The following SHANK2 variants were observed in gnomAD, a reference collection of about 807,000 sequenced individuals.
SHANK2 encodes the protein SH3 and multiple ankyrin repeat domains protein 2.
A neutral mutation model predicts 133.7 loss-of-function variants in SHANK2; 43 were observed. That is an observed-to-expected ratio of 0.32 (90% CI 0.25 to 0.41). The LOEUF is 0.41. Among genes scored for constraint, SHANK2 ranks in the 10% least tolerant of loss-of-function variants. The pLI, the probability that SHANK2 is intolerant of heterozygous loss-of-function variation, is 1.00. For synonymous variants in SHANK2, 1,017 were observed against 952.8 expected (o/e 1.07, Z -1.24); for missense variants, 1,994 against 2,235.8 (o/e 0.89, Z 2.18).
At chr11:70,597,227 C>T (rs1554989770) in intron 17 of SHANK2, among the ~76,000 whole-genome samples, 2 of 152,116 alleles carry the variant, frequency 1.3e-5, no homozygotes, top group African/African-American at 4.8e-5. Context: ...CCAGGGGAAA[C>T]TCCTCCCTGT....
chr11:70,899,753 G>A (rs1949997150), intron 10 of SHANK2, among the ~76,000 whole-genome samples: 1 of 152,214 alleles, frequency 6.6e-6, no homozygotes, highest in Non-Finnish European at 1.5e-5. Flanking sequence ...GGCTCAGGAT[G>A]GCACTAGGCC....
rs1410618611 is a variant in SHANK2, at chr11:70,749,993, A to T, written c.1777+48450T>A. On this transcript the variant is annotated intron_variant, in intron 14 of 25. Transcript: ENST00000601538. ...ACGAATGCACAGATTCAAGAAACTC[A>T]GCAAGTACTTCTAGTTCCAGGAAAG... is the stretch of plus-strand genomic sequence containing the variant. Among the ~76,000 whole-genome samples, 9 of 152,360 alleles carry T rather than the reference A, an allele frequency of 5.9e-5. No individual in the cohort carries two copies. In the East Asian group the frequency reaches 1.5e-3, roughly 26 times the overall value.
At chr11:71,168,626 C>T (rs1270418456) in intron 2 of SHANK2, among the ~76,000 whole-genome samples, 1 of 152,202 alleles carries the variant, frequency 6.6e-6, no homozygotes, top group African/African-American at 2.4e-5. Context: ...AGCTGGAGAC[C>T]AGCCCAGCCA....
chr11:70,864,335 T>G (rs1949315673), intron 11 of SHANK2: 1 of 158,784 alleles, frequency 6.3e-6, no homozygotes, highest in Non-Finnish European at 1.4e-5. Context: ...GAAAAGCAAA[T>G]GAAGTTTAGG....
chr11:70,512,769 C>T (rs1314400670), intron 17 of SHANK2, among the ~76,000 whole-genome samples: 1 of 152,180 alleles, frequency 6.6e-6, no homozygotes, highest in Non-Finnish European at 1.5e-5. Context: ...TGTTGGATCT[C>T]CTGAATCCCT....
intron 17 of SHANK2, among the ~76,000 whole-genome samples, chr11:70,544,099 C>T (rs550067339): frequency 6.6e-6 from 1 of 152,318 alleles, no homozygotes; most frequent in Non-Finnish European, 1.5e-5. Flanking sequence ...AGGCAACTTT[C>T]CAGAAGTCAG....
At chr11:71,225,865 T>A (rs1191679271) in intron 1 of SHANK2, among the ~76,000 whole-genome samples, 1 of 152,248 alleles carries the variant, frequency 6.6e-6, no homozygotes, top group Admixed American at 6.5e-5. Flanking sequence ...GGCTCATGCC[T>A]GTAATCCCGG....
chr11:70,921,221 C>G (rs1555080629), intron 10 of SHANK2, among the ~76,000 whole-genome samples: 1 of 152,226 alleles, frequency 6.6e-6, no homozygotes, highest in Non-Finnish European at 1.5e-5. Context: ...GTAAACATAT[C>G]TTTCAAAGCA....
intron 8 of SHANK2, among the ~76,000 whole-genome samples, chr11:71,085,093 A>G (rs1951360187): frequency 6.6e-6 from 1 of 152,106 alleles, no homozygotes; most frequent in Non-Finnish European, 1.5e-5. Flanking sequence ...CATTAAAGGA[A>G]ATCTGAAATT....
chr11:70,576,273 G>A (rs1462537874), intron 17 of SHANK2, among the ~76,000 whole-genome samples: 1 of 152,110 alleles, frequency 6.6e-6, no homozygotes, highest in African/African-American at 2.4e-5. Context: ...GCCCTCCTGC[G>A]AGGGACAGCA....
At chr11:71,059,790 T>C (rs1222539698) in intron 9 of SHANK2, among the ~76,000 whole-genome samples, 2 of 152,220 alleles carry the variant, frequency 1.3e-5, no homozygotes, top group Non-Finnish European at 2.9e-5. Flanking sequence ...CTCTGCGTTC[T>C]CCAGCATCCT....
At chr11:70,750,497 G>A (rs1946732477) in intron 14 of SHANK2, among the ~76,000 whole-genome samples, 1 of 152,190 alleles carries the variant, frequency 6.6e-6, no homozygotes. Flanking sequence ...TTTGACCGTG[G>A]ATGAAGGTCC....
chr11:70,870,095 C>G (rs927482657), intron 11 of SHANK2, among the ~76,000 whole-genome samples: 2 of 152,220 alleles, frequency 1.3e-5, no homozygotes, highest in Non-Finnish European at 2.9e-5. Flanking sequence ...GTCCTAAATC[C>G]AATAATTAGT....
At chr11:70,948,213 C>A in intron 10 of SHANK2, 1 of 453,752 alleles carries the variant, frequency 2.2e-6, no homozygotes, top group Non-Finnish European at 4.5e-6. Context: ...AGCTCCGTAC[C>A]ATTCCACCCT....
intron 11 of SHANK2, among the ~76,000 whole-genome samples, chr11:70,845,058 G>T (rs944077361): frequency 1.3e-5 from 2 of 151,750 alleles, no homozygotes; most frequent in South Asian, 2.1e-4. Flanking sequence ...AATTAGCCAG[G>T]TGTGGTGGCA....
chr11:70,803,590 T>C (rs1394405287), intron 13 of SHANK2, among the ~76,000 whole-genome samples: 1 of 151,892 alleles, frequency 6.6e-6, no homozygotes, highest in Non-Finnish European at 1.5e-5. Flanking sequence ...TCTGCAGATG[T>C]AGGGATGGAT....
rs1418570176 is a variant in SHANK2, at chr11:70,486,700, G to A, written c.3593C>T (p.Pro1198Leu). The A allele has an allele frequency of 1.2e-6, 2 of 1,610,784 alleles. No homozygotes were observed. The highest frequency in any genetic ancestry group is 1.3e-5 in the African/African-American group (1 of 75,042). Residue 1198 changes from proline (P) to leucine (L), a missense_variant, in exon 25 of 26, where the codon CCC becomes CTC. Around this residue, in one of 5 missense-constraint regions of SHANK2, gnomAD observed 797 missense variants for 907.4 expected, o/e 0.88. Transcript: ENST00000601538. The surrounding 1 kb of genome is among the most constrained non-coding windows in gnomAD (Gnocchi z 8.0). ...VPSASSGTAG[P>L]GNYVHPLTGR... ...TGTGAGTGGGTGGACATAATTCCCG[G>A]GGCCGGCTGTGCCGCTGCTCGCGGA...
At chr11:70,740,878 G>A (rs919248451) in intron 14 of SHANK2, among the ~76,000 whole-genome samples, 2 of 152,170 alleles carry the variant, frequency 1.3e-5, no homozygotes, top group East Asian at 1.9e-4. Context: ...CCCTCACTGA[G>A]GGAACATCCT....
intron 11 of SHANK2, among the ~76,000 whole-genome samples, chr11:70,856,673 T>C (rs1177925194): frequency 2.6e-5 from 4 of 152,194 alleles, no homozygotes; most frequent in Non-Finnish European, 4.4e-5. Flanking sequence ...GGGTGTGAGT[T>C]TAAACCATGT....
Sources: gnomAD v4.1 joint callset for allele counts (sites outside exome capture counted in the v4.1 genomes callset) on GRCh38, gnomAD v4.1.1 for gene constraint, gnomAD v4.1.1 regional missense constraint, Gnocchi (gnomAD v3.1) non-coding constraint, MANE v1.5 for transcripts, NCBI Gene and HGNC (gene_info 2026-07-23, HGNC 2026-07-21) for gene names.